ARHGAP29: variants seen among roughly 807,000 people sequenced by gnomAD.
ARHGAP29 encodes the protein Rho GTPase activating protein 29.
ARHGAP29 carries 43 observed loss-of-function variants against 122.6 expected under a neutral mutation model. The observed-to-expected ratio is 0.35, with a 90% CI of 0.27 to 0.45. ARHGAP29 has a LOEUF of 0.45. Among genes scored for constraint, ARHGAP29 ranks in the 20% least tolerant of loss-of-function variants. The pLI is 1.00. For missense variants in ARHGAP29, 1,303 were observed against 1,477.2 expected, an observed-to-expected ratio of 0.88 and a Z score of 1.93; for synonymous variants, 506 against 497.1, an observed-to-expected ratio of 1.02 and a Z score of -0.24.
Position 94,174,479 on chromosome 1 carries a change from T to C in ARHGAP29, c.3176A>G (p.Lys1059Arg). The change falls in exon 23 of 23, where the codon AAA becomes AGA. Residue 1059 changes from lysine to arginine, a missense_variant. Lys to Arg is a conservative substitution (Grantham distance 26, BLOSUM62 2). Coordinates refer to ENST00000260526, the MANE Select transcript of ARHGAP29 (RefSeq NM_004815.4). ...KNPAFEGVNRKDAATTVCSKF... is the reference protein window; with the variant it reads ...KNPAFEGVNRRDAATTVCSKF... ...GGAACAAACAGTAGTAGCAGCGTCT[T>C]TTCTATTAACTCCTTCAAAGGCAGG... 1.2e-6 allele frequency: 2 copies of C among 1,614,224 alleles called. No homozygotes were observed. Among genetic ancestry groups the C allele is most frequent in the Non-Finnish European group, 8.5e-7 (1 of 1,180,048 alleles).
chr1:94,228,223 A>G (rs1652729294), intron 2 of ARHGAP29, among the ~76,000 whole-genome samples: 1 of 151,782 alleles, frequency 6.6e-6, no homozygotes, highest in South Asian at 2.1e-4. Context: ...CAGTTCCTCA[A>G]TGACGATTAC....
chr1:94,238,122 G>A (rs1653421253), upstream of ARHGAP29, among the ~76,000 whole-genome samples: 1 of 136,978 alleles, frequency 7.3e-6, no homozygotes, highest in East Asian at 2.2e-4. Flanking sequence ...GTCTAATGGC[G>A]TGATCTCGGC....
upstream of ARHGAP29, among the ~76,000 whole-genome samples, chr1:94,242,608 C>CA (rs1204535528): frequency 2.6e-5 from 1 of 38,732 alleles, no homozygotes. Context: ...AATAGAATTT[C>CA]AAAAAATCAA....
At chr1:94,186,447 G>A in intron 16 of ARHGAP29, 52 bp downstream of exon 16, 1 of 1,269,798 alleles carries the variant, frequency 7.9e-7, no homozygotes, top group Non-Finnish European at 1.1e-6. Context: ...ATATCATGCA[G>A]TGCTACTGAT....
chr1:94,205,169 C>A lies in ARHGAP29; in HGVS notation c.589G>T (p.Val197Leu). The change falls in exon 7 of 23, where the codon GTG becomes TTG. Residue 197 changes from valine to leucine, a missense_variant. Coordinates refer to ENST00000260526, the MANE Select transcript of ARHGAP29 (RefSeq NM_004815.4). ...ATAGAGTCAGTGTTCTTTAACAGCA[C>A]GTTGTCTAGTTCTAAAGGGGAAAAA... ...GNFSPLELDNVLLKNTDSIEL... is the reference protein window; with the variant it reads ...GNFSPLELDNLLLKNTDSIEL... The A allele has an allele frequency of 6.3e-7, 1 of 1,597,376 alleles. No homozygotes were observed.
rs776294524 is a variant in ARHGAP29, at chr1:94,179,935, A to G, written c.2270T>C (p.Phe757Ser). Reference sequence around the variant, plus strand: ...GTCTATAAATTCCTTGTACAATCGAAATAAAATAAATGGTTCTGGGAGCTA... The same window carrying G: ...GTCTATAAATTCCTTGTACAATCGAGATAAAATAAATGGTTCTGGGAGCTA... ...LRQLPEPFIL[F>S]RLYKEFIDLA... The change falls in exon 20 of 23, where the codon TTT becomes TCT. Residue 757 changes from phenylalanine to serine, a missense_variant. Around this residue, in one of 3 missense-constraint regions of ARHGAP29, gnomAD observed 620 missense variants for 651.2 expected, o/e 0.95. Coordinates refer to ENST00000260526, the MANE Select transcript of ARHGAP29 (RefSeq NM_004815.4). The G allele has an allele frequency of 6.2e-7, 1 of 1,604,768 alleles. No homozygotes were observed. The highest frequency in any genetic ancestry group is 1.7e-5 in the Admixed American group (1 of 58,662).
At chr1:94,261,935 T>C (rs1654573428) in intron 1 of ARHGAP29, among the ~76,000 whole-genome samples, 1 of 152,204 alleles carries the variant, frequency 6.6e-6, no homozygotes, top group Admixed American at 6.5e-5. Context: ...AAAATGAGCC[T>C]GAATAAGCAA....
intron 2 of ARHGAP29, among the ~76,000 whole-genome samples, chr1:94,226,664 G>A (rs1235214430): frequency 1.3e-5 from 2 of 151,548 alleles, no homozygotes; most frequent in Admixed American, 1.3e-4. Context: ...AACCATTCTA[G>A]GCAAACGCAG....
chr1:94,221,708 C>T (rs985297496), intron 2 of ARHGAP29, among the ~76,000 whole-genome samples: 4 of 150,332 alleles, frequency 2.7e-5, no homozygotes, highest in African/African-American at 7.3e-5. Flanking sequence ...TGAAAATGTA[C>T]ACATATGCAT....
rs912071994 is a variant in ARHGAP29, at chr1:94,170,827, C to T, written c.*3042G>A. Among the ~76,000 whole-genome samples, 11 of 152,070 alleles carry T rather than the reference C, an allele frequency of 7.2e-5. No homozygotes were observed. The highest frequency in any genetic ancestry group is 5.2e-4 in the Admixed American group (8 of 15,276). On this transcript the variant is annotated 3_prime_UTR_variant, in exon 23 of 23. Coordinates refer to ENST00000260526, the MANE Select transcript of ARHGAP29 (RefSeq NM_004815.4). The stretch of plus-strand genomic sequence containing the variant: ...TTTTCTCCATCAAGATCTTGTACAT[C>T]TTTTGTTAGACTTATTCTTAGGTAG...
chr1:94,209,153 C>T (rs1162985665), intron 4 of ARHGAP29, 101 bp downstream of exon 4: 9 of 921,918 alleles, frequency 9.8e-6, no homozygotes, highest in Non-Finnish European at 1.5e-5. Context: ...ATATTTAATA[C>T]CATTTAATAC....
rs1047445788 is a variant in ARHGAP29, at chr1:94,172,080, A to T, written c.*1789T>A. 2.0e-5 allele frequency: 3 copies of T among 152,220 alleles called. No individual in the cohort carries two copies. Among genetic ancestry groups the T allele is most frequent in the African/African-American group, 7.2e-5 (3 of 41,466 alleles). The allele number at this position is 152,220 out of a possible 1,614,324, so 9.4% of individuals were successfully genotyped here. The stretch of plus-strand genomic sequence containing the variant: ...CTACCAGATATTATTTAGTAATCAC[A>T]GTCATTAAGAGCACTAACCATCAAA... On this transcript the variant is annotated 3_prime_UTR_variant, in exon 23 of 23. Transcript: ENST00000260526.
Position 94,196,241 on chromosome 1 carries a change from T to G in ARHGAP29, c.1281+5479A>C, listed in dbSNP as rs537982023. Among the ~76,000 whole-genome samples, 47 of 140,742 alleles carry G rather than the reference T, an allele frequency of 3.3e-4. 1 individual carries two copies. Among genetic ancestry groups the G allele is most frequent in the Admixed American group, 2.2e-3 (27 of 12,530 alleles). 92.3% of individuals were successfully genotyped at this position (140,742 alleles called of 152,430 possible). ...TCAAAGAAACAGCTTTTAGTTTCGA[T>G]TTTTCCGTGTTTTTCTTTTTTTTTT... On this transcript the variant is annotated intron_variant, in intron 12 of 22. Transcript: ENST00000260526.
chr1:94,171,106 T>C lies in ARHGAP29; in HGVS notation c.*2763A>G, dbSNP rs369972660. ...GTTATTTAACAATATACAATGGTTG[T>C]CATTTAGAGAGATGTTTCCAGTTGT... On this transcript the variant is annotated 3_prime_UTR_variant, in exon 23 of 23. Coordinates refer to ENST00000260526, the MANE Select transcript of ARHGAP29 (RefSeq NM_004815.4). 1.3e-5 allele frequency among the ~76,000 whole-genome samples: 2 copies of C among 152,184 alleles called. No homozygotes were observed. Among genetic ancestry groups the C allele is most frequent in the African/African-American group, 4.8e-5 (2 of 41,442 alleles).
intron 11 of ARHGAP29, 92 bp from the exon 12 acceptor site, chr1:94,201,949 A>T: frequency 2.5e-6 from 3 of 1,216,790 alleles, no homozygotes; most frequent in Non-Finnish European, 3.4e-6. Flanking sequence ...ATAACTGAAA[A>T]TTCTGAAATC....
chr1:94,174,711 C>A lies in ARHGAP29; in HGVS notation c.2944G>T (p.Ala982Ser), dbSNP rs1387452233. The A allele has an allele frequency of 6.2e-7, 1 of 1,614,000 alleles. No individual in the cohort carries two copies. The highest frequency in any genetic ancestry group is 1.7e-5 in the Admixed American group (1 of 60,012). Residue 982 changes from alanine to serine, a missense_variant, in exon 23 of 23, where the codon GCA (alanine) becomes TCA (serine). Physicochemically the swap from Ala to Ser is moderately conservative, Grantham distance 99. This residue lies in a region of ARHGAP29 where 620 missense variants were observed against 651.2 expected (regional missense o/e 0.95). Coordinates refer to ENST00000260526, the MANE Select transcript of ARHGAP29 (RefSeq NM_004815.4). The stretch of plus-strand genomic sequence containing the variant: ...TTACCATCTTCTATCTTTTGGGATG[C>A]TGATTCAGCCTCTTGGTCTAGAAGC... ...QLLLDQEAES[A>S]SQKIEDGKTP...
chr1:94,296,422 T>C, the ARHGAP29 span, among the ~76,000 whole-genome samples: 1 of 152,230 alleles, frequency 6.6e-6, no homozygotes, highest in African/African-American at 2.4e-5. Context: ...TAGTTATTGT[T>C]GTTAAACTCT....
In ARHGAP29 at chr1:94,237,544, C is replaced by T. The variant is rs1653364103; in HGVS notation, c.-162G>A. 1 of 991,052 alleles carries T rather than the reference C, an allele frequency of 1.0e-6. No homozygotes were observed. Among genetic ancestry groups the T allele is most frequent in the Non-Finnish European group, 1.2e-6 (1 of 834,028 alleles). 61.4% of individuals were successfully genotyped at this position (991,052 alleles called of 1,614,324 possible). On this transcript the variant is annotated 5_prime_UTR_variant, in exon 1 of 23. Transcript: ENST00000260526. Reference sequence around the variant, plus strand: ...CGGACGCCCGGCCAAATCTCAGCCGCAGCCGCAGCCGCAGCCACAGCCACA... The same window carrying T: ...CGGACGCCCGGCCAAATCTCAGCCGTAGCCGCAGCCGCAGCCACAGCCACA...
intron 19 of ARHGAP29, among the ~76,000 whole-genome samples, chr1:94,182,820 A>AC (rs752665946): frequency 2.0e-5 from 3 of 147,564 alleles, no homozygotes; most frequent in Non-Finnish European, 4.4e-5. Context: ...ATAAAACAAA[A>AC]CAAAACAAAA....
Sources: gnomAD v4.1 joint callset for allele counts (sites outside exome capture counted in the v4.1 genomes callset) on GRCh38, gnomAD v4.1.1 for gene constraint, gnomAD v4.1.1 regional missense constraint, MANE v1.5 for transcripts, NCBI Gene and HGNC (gene_info 2026-07-23, HGNC 2026-07-21) for gene names.